GMEB1: variants seen among roughly 807,000 people sequenced by gnomAD.
GMEB1 encodes glucocorticoid modulatory element binding protein 1.
A neutral mutation model predicts 52.4 loss-of-function variants in GMEB1; 6 were observed. The observed-to-expected ratio is 0.11, with a 90% CI of 0.06 to 0.23. The LOEUF is 0.23. Among genes scored for constraint, GMEB1 ranks in the 10% least tolerant of loss-of-function variants. GMEB1 has a pLI of 1.00. For missense variants in GMEB1, 486 were observed against 685.6 expected, an observed-to-expected ratio of 0.71 and a Z score of 3.25; for synonymous variants, 255 against 244.9, an observed-to-expected ratio of 1.04 and a Z score of -0.38.
intron 9 of GMEB1, among the ~76,000 whole-genome samples, chr1:28,710,909 A>G (rs963270867): frequency 1.1e-4 from 16 of 152,204 alleles, no homozygotes; most frequent in African/African-American, 3.6e-4. Context: ...CATTAATTCA[A>G]TAACATTGGT....
At chr1:28,694,182 G>A (rs376652513) in intron 5 of GMEB1, among the ~76,000 whole-genome samples, 77 of 150,608 alleles carry the variant, frequency 5.1e-4, no homozygotes, top group South Asian at 2.9e-3. Flanking sequence ...TGGTCTGTGT[G>A]TTGTAGGATT....
intron 9 of GMEB1, 52 bp downstream of exon 9, chr1:28,710,694 C>A: frequency 7.8e-7 from 1 of 1,282,494 alleles, no homozygotes; most frequent in South Asian, 2.4e-5. Context: ...ATATTCTTGT[C>A]TTCCCATTTT....
chr1:28,694,198 T>A (rs1299674383), intron 5 of GMEB1, among the ~76,000 whole-genome samples: 3 of 151,070 alleles, frequency 2.0e-5, no homozygotes, highest in African/African-American at 7.3e-5. Context: ...GGATTTTTTT[T>A]TTTTTTTTTT....
chr1:28,704,456 T>A, intron 8 of GMEB1, 127 bp downstream of exon 8: 1 of 658,738 alleles, frequency 1.5e-6, no homozygotes, highest in Non-Finnish European at 2.3e-6. Flanking sequence ...ATAAGGAAAC[T>A]AAGGCTCATA....
At chr1:28,697,286 G>A (rs1188783118) in intron 6 of GMEB1, among the ~76,000 whole-genome samples, 1 of 150,480 alleles carries the variant, frequency 6.6e-6, no homozygotes, top group African/African-American at 2.4e-5. Flanking sequence ...TCAGCTCACT[G>A]CAACCTCTGC....
intron 3 of GMEB1, among the ~76,000 whole-genome samples, chr1:28,691,029 G>A (rs1389518675): frequency 6.6e-6 from 1 of 151,996 alleles, no homozygotes; most frequent in Non-Finnish European, 1.5e-5. Flanking sequence ...GGTGACTCAT[G>A]CCTGTAATCC....
At chr1:28,707,616 C>T (rs1217402212) in intron 8 of GMEB1, among the ~76,000 whole-genome samples, 2 of 152,070 alleles carry the variant, frequency 1.3e-5, no homozygotes, top group African/African-American at 4.8e-5. Flanking sequence ...ATGCCATTTA[C>T]TGAGATGAAG....
At position 28,692,396 on chromosome 1, in the gene GMEB1, G is replaced by C. The variant is rs1324317699; in HGVS notation, c.337-546G>C. ...AAAATACAAAAATTAGCTGGACGTG[G>C]TATTGGGCGCCTATAATTCCAGCTA... On this transcript the variant is annotated intron_variant, in intron 4 of 9. Coordinates refer to ENST00000373816, the MANE Select transcript of GMEB1 (RefSeq NM_001319674.2). Among the ~76,000 whole-genome samples the C allele has an allele frequency of 2.0e-5, 3 of 152,018 alleles. No individual in the cohort carries two copies. The South Asian group carries it at 6.2e-4, about 32-fold the overall frequency.
At chr1:28,711,332 G>T (rs1385707176) in intron 9 of GMEB1, among the ~76,000 whole-genome samples, 13 of 151,558 alleles carry the variant, frequency 8.6e-5, no homozygotes, top group Non-Finnish European at 1.8e-4. Flanking sequence ...CAGAAAACTG[G>T]TTTTTGTTAG....
chr1:28,668,596 G>C (rs1158111709), upstream of GMEB1: 1 of 152,734 alleles, frequency 6.5e-6, no homozygotes, highest in Admixed American at 6.6e-5. Flanking sequence ...TTCCAACACT[G>C]ATTTTCAAGG....
chr1:28,718,213 T>C lies in GMEB1; in HGVS notation c.*3440T>C, dbSNP rs1671320315. The C allele has an allele frequency of 1.3e-5, 2 of 152,238 alleles. No individual in the cohort carries two copies. Among genetic ancestry groups the C allele is most frequent in the Admixed American group, 1.3e-4 (2 of 15,274 alleles). The allele number at this position is 152,238 out of a possible 1,614,324, so 9.4% of individuals were successfully genotyped here. A position where few individuals can be genotyped will look rare whatever the true frequency, so the allele number is the denominator to read the frequency against. ...AATAAACATTTTTAAGAACCATCTA[T>C]GTGCCAGGCTTTGTGCTAGGCACTG... On this transcript the variant is annotated 3_prime_UTR_variant, in exon 10 of 10. Transcript: ENST00000373816.
chr1:28,696,630 TAGGAG>T (rs2124533132), intron 5 of GMEB1, among the ~76,000 whole-genome samples: 1 of 152,238 alleles, frequency 6.6e-6, no homozygotes, highest in Admixed American at 6.5e-5. Flanking sequence ...TCTGTATTCC[TAGGAG>T]AGTTTTTTAA....
chr1:28,705,881 G>A (rs967237036), intron 8 of GMEB1, among the ~76,000 whole-genome samples: 2 of 151,804 alleles, frequency 1.3e-5, no homozygotes, highest in East Asian at 2.0e-4. Context: ...TCGGCCGGGC[G>A]CGGTGGCTCA....
intron 9 of GMEB1, among the ~76,000 whole-genome samples, chr1:28,713,140 A>G (rs1357696199): frequency 1.3e-5 from 2 of 149,756 alleles, no homozygotes; most frequent in Non-Finnish European, 3.0e-5. Context: ...CCTGGGCGAC[A>G]GAGCGAGACT....
intron 6 of GMEB1, among the ~76,000 whole-genome samples, 196 bp downstream of exon 6, chr1:28,697,280 C>G (rs1361452527): frequency 6.7e-6 from 1 of 150,244 alleles, no homozygotes; most frequent in Non-Finnish European, 1.5e-5. Context: ...GTGATCTCAG[C>G]TCACTGCAAC....
intron 7 of GMEB1, 91 bp downstream of exon 7, chr1:28,702,660 T>A: frequency 8.4e-7 from 1 of 1,194,034 alleles, no homozygotes. Context: ...TTAATTACTT[T>A]CGCTGGATTT....
chr1:28,677,765 A>C (rs1669223267), intron 1 of GMEB1, among the ~76,000 whole-genome samples: 1 of 151,726 alleles, frequency 6.6e-6, no homozygotes, highest in African/African-American at 2.4e-5. Context: ...CCTTTTCTAG[A>C]CTCGAGGGTC....
intron 8 of GMEB1, among the ~76,000 whole-genome samples, chr1:28,706,281 G>T (rs1489174268): frequency 6.6e-6 from 1 of 151,992 alleles, no homozygotes; most frequent in Non-Finnish European, 1.5e-5. Context: ...CTGCTGTGCA[G>T]AATGTAAAAT....
At chr1:28,697,358 GCCA>G (rs1670275885) in intron 6 of GMEB1, among the ~76,000 whole-genome samples, 1 of 151,494 alleles carries the variant, frequency 6.6e-6, no homozygotes, top group African/African-American at 2.4e-5. Context: ...ACAGGCATGC[GCCA>G]CCACACCTGG....
Sources: gnomAD v4.1 joint callset for allele counts (sites outside exome capture counted in the v4.1 genomes callset) on GRCh38, gnomAD v4.1.1 for gene constraint, MANE v1.5 for transcripts, NCBI Gene and HGNC (gene_info 2026-07-23, HGNC 2026-07-21) for gene names.